Variants in DAP3 observed in about 807,000 individuals in gnomAD.
DAP3 encodes the protein death associated protein 3, also known as small ribosomal subunit protein mS29.
A neutral mutation model predicts 51.9 loss-of-function variants in DAP3; 28 were observed. That is an observed-to-expected ratio of 0.54 (90% CI 0.40 to 0.74). DAP3 has a LOEUF of 0.74. DAP3 is among the 30% of genes least tolerant of loss of function. The pLI is 0.00. For missense variants in DAP3, 458 were observed against 483.5 expected (o/e 0.95, Z 0.49); for synonymous variants, 170 against 170.3 (o/e 1.00, Z 0.01).
chr1:155,703,826 T>G (rs1430449866), intron 1 of DAP3, among the ~76,000 whole-genome samples: 5 of 152,184 alleles, frequency 3.3e-5, no homozygotes, highest in Admixed American at 3.3e-4. Flanking sequence ...TGTGAGCCAC[T>G]GCGCCTGACC....
At chr1:155,712,488 T>C (rs1656828283) in intron 2 of DAP3, among the ~76,000 whole-genome samples, 1 of 152,008 alleles carries the variant, frequency 6.6e-6, no homozygotes, top group Non-Finnish European at 1.5e-5. Flanking sequence ...GGCGCATGCC[T>C]GTAATCCCAG....
intron 2 of DAP3, among the ~76,000 whole-genome samples, chr1:155,712,648 C>G (rs931197851): frequency 2.0e-5 from 3 of 147,010 alleles, no homozygotes; most frequent in African/African-American, 7.5e-5. Flanking sequence ...TTCCATTTTG[C>G]TAGCTTTTAA....
chr1:155,721,981 T>C lies in DAP3; in HGVS notation c.270+363T>C, dbSNP rs1268195424. 4 of 322,014 alleles carry C rather than the reference T, an allele frequency of 1.2e-5. No homozygotes were observed. In the East Asian group the frequency reaches 2.0e-4, roughly 16 times the overall value. 19.9% of individuals were successfully genotyped at this position (322,014 alleles called of 1,614,324 possible). On this transcript the variant is annotated intron_variant, in intron 4 of 12. Coordinates refer to ENST00000368336, the MANE Select transcript of DAP3 (RefSeq NM_004632.4). Reference sequence around the variant, plus strand: ...GAAGCAATATTTTGATTAGATGCATTGGTTTTTATTCTCTTGTGGATTTTG... The same window carrying C: ...GAAGCAATATTTTGATTAGATGCATCGGTTTTTATTCTCTTGTGGATTTTG...
At chr1:155,690,821 C>T (rs1028039802) in intron 1 of DAP3, among the ~76,000 whole-genome samples, 1 of 142,160 alleles carries the variant, frequency 7.0e-6, no homozygotes, top group Non-Finnish European at 1.5e-5. Flanking sequence ...CTCACTGCAA[C>T]CTCAAGCTCC....
At chr1:155,707,337 C>T (rs1300103450) in intron 1 of DAP3, among the ~76,000 whole-genome samples, 2 of 150,678 alleles carry the variant, frequency 1.3e-5, no homozygotes, top group Non-Finnish European at 3.0e-5. Context: ...GGCGTGAACC[C>T]GGGAGGCGGA....
intron 6 of DAP3, 113 bp from the exon 7 acceptor site, chr1:155,727,495 A>C: frequency 8.5e-7 from 1 of 1,180,058 alleles, no homozygotes; most frequent in Non-Finnish European, 1.1e-6. Flanking sequence ...AAGAAAAGAA[A>C]TATATATATG....
intron 1 of DAP3, chr1:155,689,611 G>C: frequency 2.8e-6 from 1 of 362,622 alleles, no homozygotes; most frequent in Non-Finnish European, 5.4e-6. Context: ...TCCAGGGTTG[G>C]TGTGTGAAAT....
intron 1 of DAP3, among the ~76,000 whole-genome samples, chr1:155,700,600 C>A (rs1270429569): frequency 6.8e-6 from 1 of 147,792 alleles, no homozygotes; most frequent in African/African-American, 2.5e-5. Flanking sequence ...CCAGCCGCCC[C>A]GTCCGGGAGG....
intron 2 of DAP3, among the ~76,000 whole-genome samples, chr1:155,715,528 AAG>A (rs5777953): frequency 7.3e-5 from 11 of 150,234 alleles, no homozygotes; most frequent in Admixed American, 1.3e-4. Flanking sequence ...TCTTAAAAAA[AAG>A]AGAGAGAGAG....
In DAP3 at chr1:155,690,993, C is replaced by T. The variant is rs1055479933; in HGVS notation, c.-8+1819C>T. Among the ~76,000 whole-genome samples, 8 of 141,902 alleles carry T rather than the reference C, an allele frequency of 5.6e-5. 1 individual carries two copies. Among genetic ancestry groups the T allele is most frequent in the African/African-American group, 1.3e-4 (4 of 31,404 alleles). The allele number at this position is 141,902 out of a possible 152,430, so 93.1% of individuals were successfully genotyped here. A position where few individuals can be genotyped will look rare whatever the true frequency, so the allele number is the denominator to read the frequency against. On this transcript the variant is annotated intron_variant, in intron 1 of 12. Coordinates refer to ENST00000368336, the MANE Select transcript of DAP3 (RefSeq NM_004632.4). ...CGCGATCTCGGCTCACTGCAAGCTC[C>T]GCCTCCCGGGTTCGCGCCATTCTCC...
upstream of DAP3, chr1:155,688,590 T>C (rs1423496948): frequency 2.0e-6 from 3 of 1,535,950 alleles, no homozygotes; most frequent in Non-Finnish European, 2.6e-6. Flanking sequence ...CACGGGAACC[T>C]CCTCGCCCAG....
Position 155,725,985 on chromosome 1 carries a change from A to G in DAP3, c.438A>G (p.Ala146=). ...TTTGCCATGTTATTCATTTCTGTGC[A>G]AAACAGGACTGGCTGATACTACATA... is the stretch of plus-strand genomic sequence containing the variant. ...LSLCHVIHFC[A]KQDWLILHIP... is the part of the protein sequence containing the mutation. Residue 146 remains alanine, a synonymous_variant, in exon 6 of 13, where the codon GCA becomes GCG. Coordinates refer to ENST00000368336, the MANE Select transcript of DAP3 (RefSeq NM_004632.4). 6.2e-7 allele frequency: 1 copy of G among 1,614,206 alleles called. No individual in the cohort carries two copies. The highest frequency in any genetic ancestry group is 8.5e-7 in the Non-Finnish European group (1 of 1,180,024).
intron 2 of DAP3, among the ~76,000 whole-genome samples, chr1:155,711,075 C>T (rs931672864): frequency 1.1e-4 from 17 of 151,990 alleles, no homozygotes; most frequent in African/African-American, 4.1e-4. Context: ...CTGCATGTGC[C>T]CCCTTCCCTC....
chr1:155,719,233 ATT>A lies in DAP3; in HGVS notation c.168+2123_168+2124del, dbSNP rs35815910. Among the ~76,000 whole-genome samples, 598 of 129,008 alleles carry A rather than the reference ATT, an allele frequency of 4.6e-3. 2 individuals carry two copies. Among genetic ancestry groups the A allele is most frequent in the East Asian group, 0.012 (55 of 4,430 alleles). 84.6% of individuals were successfully genotyped at this position (129,008 alleles called of 152,430 possible). On this transcript the variant is annotated intron_variant, in intron 3 of 12. Transcript: ENST00000368336. ...ATAGCAAGACCCTAACTCTAAAACAATTTTTTTTTTTTTTTTTTTGAGACAGA... is the reference window on the plus strand; with the variant it reads ...ATAGCAAGACCCTAACTCTAAAACAATTTTTTTTTTTTTTTTTGAGACAGA...
upstream of DAP3, chr1:155,688,650 C>T: frequency 6.5e-7 from 1 of 1,534,308 alleles, no homozygotes; most frequent in South Asian, 1.2e-5. Context: ...CGCAGGCCCT[C>T]ACGCGTACCT....
In DAP3 at chr1:155,731,956, A is replaced by G. The variant is rs1477244495; in HGVS notation, c.916A>G (p.Ile306Val). ...MMKNDWHGGA[I>V]VSALSQTGSL... is the part of the protein sequence containing the mutation. ...TCTTTTCTTTCAGCATGGAGGCGCC[A>G]TTGTGTCGGCTTTGAGCCAGACTGG... Residue 306 changes from isoleucine to valine, a missense_variant, in exon 11 of 13, where the codon ATT becomes GTT. Coordinates refer to ENST00000368336, the MANE Select transcript of DAP3 (RefSeq NM_004632.4). 6.2e-7 allele frequency: 1 copy of G among 1,610,438 alleles called. No homozygotes were observed. Among genetic ancestry groups the G allele is most frequent in the Non-Finnish European group, 8.5e-7 (1 of 1,178,420 alleles).
chr1:155,691,743 CAT>C (rs770700792), intron 1 of DAP3, among the ~76,000 whole-genome samples: 3 of 141,980 alleles, frequency 2.1e-5, no homozygotes, highest in Non-Finnish European at 4.4e-5. Context: ...CTATCCAACA[CAT>C]GTTATTATCA....
intron 3 of DAP3, among the ~76,000 whole-genome samples, chr1:155,720,570 C>T (rs1657871622): frequency 6.6e-6 from 1 of 151,888 alleles, no homozygotes; most frequent in East Asian, 1.9e-4. Flanking sequence ...ATTGGTTGAA[C>T]CCGGGAGGCG....
rs369933128 is a variant in DAP3, at chr1:155,725,991, G to C, written c.444G>C (p.Gln148His). The C allele has an allele frequency of 8.7e-6, 14 of 1,614,014 alleles. No individual in the cohort carries two copies. The highest frequency in any genetic ancestry group is 1.6e-4 in the Middle Eastern group (1 of 6,084). ...LCHVIHFCAKQDWLILHIPDA... is the reference protein window; with the variant it reads ...LCHVIHFCAKHDWLILHIPDA... ...ATGTTATTCATTTCTGTGCAAAACA[G>C]GACTGGCTGATACTACATATTCCAG... The change falls in exon 6 of 13, where the codon CAG becomes CAC. Residue 148 changes from glutamine (Q) to histidine (H), a missense_variant. Physicochemically the swap from Gln to His is conservative, Grantham distance 24 (BLOSUM62 0). Coordinates refer to ENST00000368336, the MANE Select transcript of DAP3 (RefSeq NM_004632.4).
Sources: gnomAD v4.1 joint callset for allele counts (sites outside exome capture counted in the v4.1 genomes callset) on GRCh38, gnomAD v4.1.1 for gene constraint, MANE v1.5 for transcripts, NCBI Gene and HGNC (gene_info 2026-07-23, HGNC 2026-07-21) for gene names.